The following CNBD1 variants were observed in gnomAD, a reference collection of about 807,000 sequenced individuals.
The protein encoded by CNBD1 is cyclic nucleotide binding domain containing 1.
In CNBD1, 71 loss-of-function variants were observed where a neutral mutation model predicts 54.4. The ratio of observed to expected loss-of-function variants is 1.30; its 90% confidence interval spans 1.08 to 1.59. CNBD1 has a LOEUF of 1.59. Among genes scored for constraint, CNBD1 ranks in the 40% most tolerant of loss-of-function variants. CNBD1 has a pLI of 0.00. For synonymous variants in CNBD1, 182 were observed against 170.7 expected (o/e 1.07, Z -0.51); for missense variants, 659 against 518.0 (o/e 1.27, Z -2.64).
At chr8:87,040,585 G>A (rs1810046618) in intron 4 of CNBD1, among the ~76,000 whole-genome samples, 1 of 151,284 alleles carries the variant, frequency 6.6e-6, no homozygotes, top group Non-Finnish European at 1.5e-5. Context: ...CACCACGCCT[G>A]GATAATTTTT....
chr8:87,421,475 TC>T (rs1807936295), intron 2 of CNBD1, among the ~76,000 whole-genome samples: 1 of 135,786 alleles, frequency 7.4e-6, no homozygotes, highest in South Asian at 2.4e-4. Context: ...CCTTCCTGTG[TC>T]CATGTGATCT....
Position 87,022,193 on chromosome 8 carries a change from C to T in CNBD1, c.431+82439C>T, listed in dbSNP as rs114920586. 5.2e-3 allele frequency among the ~76,000 whole-genome samples: 788 copies of T among 152,216 alleles called. 8 individuals are homozygous for T. The highest frequency in any genetic ancestry group is 0.018 in the African/African-American group (740 of 41,534). On this transcript the variant is annotated intron_variant, in intron 4 of 10. Transcript: ENST00000518476. ...GAGAAAGTACTTTGCAAGGAAGCAA[C>T]GGGCAACACAGCGGAGAAGGGAATG...
intron 4 of CNBD1, among the ~76,000 whole-genome samples, chr8:87,038,918 C>A (rs1392934730): frequency 6.6e-6 from 1 of 152,136 alleles, no homozygotes. Flanking sequence ...CAGTGATACC[C>A]ATTGCTGCCT....
At chr8:87,371,701 G>A (rs899860339) in intron 10 of CNBD1, among the ~76,000 whole-genome samples, 1 of 151,970 alleles carries the variant, frequency 6.6e-6, no homozygotes, top group Non-Finnish European at 1.5e-5. Context: ...ATCAATAAAT[G>A]TAATCCAGCG....
chr8:87,342,561 A>G (rs1476273171), intron 8 of CNBD1, among the ~76,000 whole-genome samples: 2 of 152,132 alleles, frequency 1.3e-5, no homozygotes, highest in African/African-American at 4.8e-5. Context: ...ATTTCAACAT[A>G]GTTTCTTTCT....
intron 4 of CNBD1, among the ~76,000 whole-genome samples, chr8:86,949,971 T>TTTTTTTTTG (rs1807568952): frequency 7.5e-6 from 1 of 133,840 alleles, no homozygotes; most frequent in Non-Finnish European, 1.6e-5. Flanking sequence ...TTTTTTTTTT[T>TTTTTTTTTG]TTTGAGATGG....
At chr8:87,387,172 C>T (rs544578992), downstream of CNBD1, among the ~76,000 whole-genome samples, 16 of 152,224 alleles carry the variant, frequency 1.1e-4, no homozygotes, top group African/African-American at 1.9e-4. Flanking sequence ...TAAAGACTAT[C>T]GAGGTTAGGA....
At chr8:87,415,033 T>G (rs1807813371) in intron 2 of CNBD1, among the ~76,000 whole-genome samples, 1 of 152,016 alleles carries the variant, frequency 6.6e-6, no homozygotes, top group African/African-American at 2.4e-5. Context: ...GGGGACCTGC[T>G]CAGTGCCATT....
intron 10 of CNBD1, among the ~76,000 whole-genome samples, chr8:87,360,714 C>G (rs1810508839): frequency 6.6e-6 from 1 of 151,782 alleles, no homozygotes; most frequent in Admixed American, 6.6e-5. Flanking sequence ...ATATCTCATT[C>G]AACAACTTAT....
chr8:87,329,872 A>C (rs1809783306), intron 8 of CNBD1, among the ~76,000 whole-genome samples: 1 of 152,050 alleles, frequency 6.6e-6, no homozygotes, highest in South Asian at 2.1e-4. Flanking sequence ...TTCCAAATCC[A>C]TATATATTTT....
intron 4 of CNBD1, among the ~76,000 whole-genome samples, chr8:87,119,017 C>T (rs1218638772): frequency 6.6e-6 from 1 of 152,142 alleles, no homozygotes; most frequent in African/African-American, 2.4e-5. Flanking sequence ...TTTCATTTAA[C>T]AAACATGTAT....
At chr8:86,873,794 A>T (rs1213776324) in intron 1 of CNBD1, among the ~76,000 whole-genome samples, 1 of 152,194 alleles carries the variant, frequency 6.6e-6, no homozygotes, top group Admixed American at 6.5e-5. Flanking sequence ...TTAAATTTAA[A>T]TTTTTAAAAA....
intron 8 of CNBD1, among the ~76,000 whole-genome samples, chr8:87,300,705 CACACACACATAT>C (rs1416952501): frequency 6.6e-6 from 1 of 151,280 alleles, no homozygotes; most frequent in African/African-American, 2.4e-5. Context: ...GTGTGTGATA[CACACACACATAT>C]ACACACACAT....
Position 86,934,109 on chromosome 8 carries a change from C to T in CNBD1, c.273-5487C>T, listed in dbSNP as rs368299747. 3.9e-5 allele frequency among the ~76,000 whole-genome samples: 6 copies of T among 152,236 alleles called. No individual in the cohort carries two copies. In the East Asian group the frequency reaches 9.6e-4, roughly 24 times the overall value. On this transcript the variant is annotated intron_variant, in intron 3 of 10. Transcript: ENST00000518476. ...GAATATTCTTTGTCTAGCTCCTTTTCATTTTTTTATGTCTCAGCTTAAATC... is the reference window on the plus strand; with the variant it reads ...GAATATTCTTTGTCTAGCTCCTTTTTATTTTTTTATGTCTCAGCTTAAATC...
chr8:87,388,704 C>T (rs1435024365), intron 2 of CNBD1, among the ~76,000 whole-genome samples: 2 of 152,192 alleles, frequency 1.3e-5, no homozygotes, highest in African/African-American at 4.8e-5. Context: ...CCTTCTGAAA[C>T]TATTCCAATC....
At chr8:87,379,499 A>T (rs1811029000) in intron 10 of CNBD1, among the ~76,000 whole-genome samples, 1 of 152,008 alleles carries the variant, frequency 6.6e-6, no homozygotes, top group South Asian at 2.1e-4. Flanking sequence ...CTCCCCAGCA[A>T]ATGTAAAAGA....
chr8:87,350,386 ACTATCCTC>A (rs1414420775), intron 8 of CNBD1, among the ~76,000 whole-genome samples: 2 of 151,998 alleles, frequency 1.3e-5, no homozygotes, highest in Non-Finnish European at 2.9e-5. Flanking sequence ...AAAAAGATAG[ACTATCCTC>A]ATAATTATGC....
intron 8 of CNBD1, among the ~76,000 whole-genome samples, chr8:87,348,797 G>T (rs147207791): frequency 3.4e-4 from 52 of 152,184 alleles, no homozygotes; most frequent in African/African-American, 1.2e-3. Flanking sequence ...AACTTCTTCT[G>T]GCTTAATTTA....
At chr8:87,245,991 A>G (rs1051184028) in intron 6 of CNBD1, among the ~76,000 whole-genome samples, 3 of 152,090 alleles carry the variant, frequency 2.0e-5, no homozygotes, top group Non-Finnish European at 4.4e-5. Flanking sequence ...TTGGACTAAT[A>G]TCTCATATCC....
Sources: allele counts gnomAD v4.1 joint callset (sites outside exome capture counted in the v4.1 genomes callset), GRCh38; gene constraint gnomAD v4.1.1; transcripts MANE v1.5; gene names NCBI Gene and HGNC (gene_info 2026-07-23, HGNC 2026-07-21).